Variants in TTC28 observed in about 807,000 individuals in gnomAD.
TTC28 encodes the protein tetratricopeptide repeat domain 28.
TTC28 carries 61 observed loss-of-function variants against 198.0 expected under a neutral mutation model. The observed-to-expected ratio is 0.31, with a 90% CI of 0.25 to 0.38. TTC28 has a LOEUF of 0.38. Among genes scored for constraint, TTC28 ranks in the 10% least tolerant of loss-of-function variants. The pLI, the probability that TTC28 is intolerant of heterozygous loss-of-function variation, is 1.00. For missense variants in TTC28, 2,678 were observed against 3,164.0 expected (o/e 0.85, Z 3.69); for synonymous variants, 1,171 against 1,297.8 (o/e 0.90, Z 2.10).
At chr22:28,229,093 T>C (rs1240507735) in intron 5 of TTC28, among the ~76,000 whole-genome samples, 2 of 151,916 alleles carry the variant, frequency 1.3e-5, no homozygotes, top group Non-Finnish European at 2.9e-5. Context: ...GAGGTGGAGG[T>C]TGCAGTGAGC....
rs796918091 is a variant in TTC28 at position 28,343,218 on chromosome 22, TC to T, written c.382-36576del. Among the ~76,000 whole-genome samples the T allele has an allele frequency of 8.4e-4, 127 of 151,480 alleles. 2 individuals are homozygous for T. Among genetic ancestry groups the T allele is most frequent in the African/African-American group, 2.8e-3 (116 of 41,302 alleles). On this transcript the variant is annotated intron_variant, in intron 2 of 22. Coordinates refer to ENST00000397906, the MANE Select transcript of TTC28 (RefSeq NM_001145418.2). Reference sequence around the variant, plus strand: ...AGACAGAAAAAAATAGACGAGAAAATCAGATGTAACTTTAAAAGCTTCTGAT... The same window carrying T: ...AGACAGAAAAAAATAGACGAGAAAATAGATGTAACTTTAAAAGCTTCTGAT...
At chr22:28,495,215 G>C (rs763622309) in intron 2 of TTC28, among the ~76,000 whole-genome samples, 1 of 152,072 alleles carries the variant, frequency 6.6e-6, no homozygotes, top group African/African-American at 2.4e-5. Context: ...GTTTTTAGAC[G>C]GGAAGTTGTC....
At chr22:28,106,423 G>T (rs1410423174) in intron 7 of TTC28, among the ~76,000 whole-genome samples, 4 of 152,076 alleles carry the variant, frequency 2.6e-5, no homozygotes, top group African/African-American at 4.8e-5. Context: ...AGTTGTGTGG[G>T]GCACATGAAT....
intron 2 of TTC28, among the ~76,000 whole-genome samples, chr22:28,605,742 G>A (rs1361009548): frequency 1.3e-5 from 2 of 152,152 alleles, no homozygotes; most frequent in South Asian, 2.1e-4. Flanking sequence ...CTATGAAGCT[G>A]TTAAAAGTAA....
intron 2 of TTC28, among the ~76,000 whole-genome samples, chr22:28,369,157 A>G (rs1035322945): frequency 6.6e-6 from 1 of 152,206 alleles, no homozygotes; most frequent in African/African-American, 2.4e-5. Context: ...ACAAAACTGA[A>G]GGAATCACAT....
At chr22:28,019,547 G>A (rs576478926) in intron 13 of TTC28, among the ~76,000 whole-genome samples, 47 of 152,312 alleles carry the variant, frequency 3.1e-4, no homozygotes, top group East Asian at 1.9e-4. Flanking sequence ...AGCCCCAGGC[G>A]GCAGAATGCT....
intron 2 of TTC28, among the ~76,000 whole-genome samples, chr22:28,571,573 T>A (rs1375804530): frequency 1.3e-5 from 2 of 152,242 alleles, no homozygotes; most frequent in East Asian, 3.8e-4. Flanking sequence ...AAGAACTCTC[T>A]AATTTATCCT....
intron 2 of TTC28, among the ~76,000 whole-genome samples, chr22:28,608,315 G>A (rs1294861059): frequency 6.6e-6 from 1 of 152,166 alleles, no homozygotes; most frequent in Non-Finnish European, 1.5e-5. Context: ...CCCACCCCCA[G>A]AAAATTACCA....
chr22:28,209,138 T>C (rs967076076), intron 5 of TTC28, among the ~76,000 whole-genome samples: 1 of 152,152 alleles, frequency 6.6e-6, no homozygotes, highest in Non-Finnish European at 1.5e-5. Context: ...AGAAAACTGG[T>C]TGTACTTCTC....
chr22:28,676,971 A>G (rs560885000), intron 1 of TTC28, among the ~76,000 whole-genome samples: 167 of 151,812 alleles, frequency 1.1e-3, no homozygotes, highest in African/African-American at 3.7e-3. Context: ...CCTGGACAAC[A>G]TGGTGAAACC....
intron 13 of TTC28, among the ~76,000 whole-genome samples, chr22:28,018,143 C>T (rs1319669518): frequency 7.9e-5 from 12 of 152,172 alleles, no homozygotes; most frequent in Admixed American, 7.9e-4. Flanking sequence ...CTGACCCTAG[C>T]CAGCCCAGTC....
chr22:28,532,885 C>T (rs1353575718), intron 2 of TTC28, among the ~76,000 whole-genome samples: 2 of 152,136 alleles, frequency 1.3e-5, no homozygotes, highest in East Asian at 3.9e-4. Context: ...TCTCAATAAA[C>T]TAGGTATTGA....
chr22:28,677,559 A>T (rs1238821353), intron 1 of TTC28, among the ~76,000 whole-genome samples: 5 of 152,130 alleles, frequency 3.3e-5, no homozygotes, highest in African/African-American at 9.7e-5. Context: ...GAATCGCTGG[A>T]ATCTGGGAGG....
chr22:28,364,424 G>A (rs1035490205), intron 2 of TTC28, among the ~76,000 whole-genome samples: 35 of 152,056 alleles, frequency 2.3e-4, no homozygotes, highest in African/African-American at 6.5e-4. Context: ...TATCAGCAGC[G>A]TGAAAATGGA....
rs1269801786 is a variant in TTC28, at chr22:28,107,898, G to C, written c.1947C>G (p.Asn649Lys). Residue 649 changes from asparagine to lysine, a missense_variant, in exon 7 of 23, where the codon AAC becomes AAG. Asn to Lys is a moderately conservative substitution (Grantham distance 94). Coordinates refer to ENST00000397906, the MANE Select transcript of TTC28 (RefSeq NM_001145418.2). ...NLGYAHYCLG[N>K]YQEAVKYYEQ... ...CGTAGTACTTCACTGCCTCCTGATAGTTTCCAAGGCAGTAATGGGCATAGC... is the reference window on the plus strand; with the variant it reads ...CGTAGTACTTCACTGCCTCCTGATACTTTCCAAGGCAGTAATGGGCATAGC... 2 of 1,551,760 alleles carry C rather than the reference G, an allele frequency of 1.3e-6. No individual in the cohort carries two copies. The highest frequency in any genetic ancestry group is 1.7e-4 in the Middle Eastern group (1 of 5,992).
intron 2 of TTC28, among the ~76,000 whole-genome samples, chr22:28,465,354 C>T (rs1259373791): frequency 1.3e-5 from 2 of 151,842 alleles, no homozygotes; most frequent in Non-Finnish European, 2.9e-5. Flanking sequence ...GGCCGGGCAC[C>T]GTGGCTCACT....
intron 2 of TTC28, among the ~76,000 whole-genome samples, chr22:28,359,998 A>G (rs2046134644): frequency 6.6e-6 from 1 of 152,104 alleles, no homozygotes; most frequent in Non-Finnish European, 1.5e-5. Flanking sequence ...AACAGAAGAG[A>G]AAATCAAGGC....
In TTC28 at chr22:28,509,252, C is replaced by T. The variant is rs117375723; in HGVS notation, c.381+120300G>A. On this transcript the variant is annotated intron_variant, in intron 2 of 22. Transcript: ENST00000397906. ...AACAGAATATACATTCTTCCCATCA[C>T]CATATTGCACTTACTCTAAAATTGA... Among the ~76,000 whole-genome samples the T allele has an allele frequency of 4.5e-4, 69 of 151,882 alleles. No homozygotes were observed. In the East Asian group the frequency reaches 0.011, roughly 24 times the overall value.
At chr22:28,135,909 T>A (rs943570253) in intron 6 of TTC28, among the ~76,000 whole-genome samples, 1 of 152,216 alleles carries the variant, frequency 6.6e-6, no homozygotes, top group African/African-American at 2.4e-5. Context: ...TAACTATATC[T>A]TCCTAAGACT....
Sources: gnomAD v4.1 joint callset for allele counts (sites outside exome capture counted in the v4.1 genomes callset) on GRCh38, gnomAD v4.1.1 for gene constraint, MANE v1.5 for transcripts, NCBI Gene and HGNC (gene_info 2026-07-23, HGNC 2026-07-21) for gene names.